Variants in PBX1 observed in about 807,000 individuals in gnomAD.
The protein encoded by PBX1 is pre-B-cell leukemia transcription factor 1.
In PBX1, 6 loss-of-function variants were observed where a neutral mutation model predicts 53.4. The observed-to-expected ratio is 0.11, with a 90% confidence interval of 0.06 to 0.22. The LOEUF is 0.22. Ranked by LOEUF, PBX1 falls within the 10% of genes least tolerant of loss-of-function variation. The pLI is 1.00. For missense variants in PBX1, 251 were observed against 551.4 expected, an observed-to-expected ratio of 0.46 and a Z score of 5.46; for synonymous variants, 204 against 212.3, an observed-to-expected ratio of 0.96 and a Z score of 0.34.
chr1:164,667,543 A>G (rs994027923), intron 2 of PBX1, among the ~76,000 whole-genome samples: 4 of 152,152 alleles, frequency 2.6e-5, no homozygotes, highest in African/African-American at 7.2e-5. Flanking sequence ...GCCTTAGATT[A>G]TAGTCCCTGG....
At chr1:164,731,653 C>T (rs1344062210) in intron 2 of PBX1, among the ~76,000 whole-genome samples, 1 of 152,208 alleles carries the variant, frequency 6.6e-6, no homozygotes, top group East Asian at 1.9e-4. Flanking sequence ...CCCCGATTGT[C>T]GCCTCTCTTT....
At chr1:164,818,961 C>T (rs1483535880) in intron 6 of PBX1, 1 of 152,126 alleles carries the variant, frequency 6.6e-6, no homozygotes, top group East Asian at 1.9e-4. Context: ...TGATGGCTGT[C>T]TCAGAATATG....
chr1:164,745,655 A>AG (rs1665854122), intron 2 of PBX1, among the ~76,000 whole-genome samples: 1 of 152,248 alleles, frequency 6.6e-6, no homozygotes, highest in African/African-American at 2.4e-5. Context: ...CTAGTCAACC[A>AG]GCTACAGGCT....
chr1:164,668,990 C>T (rs987556580), intron 2 of PBX1, among the ~76,000 whole-genome samples: 4 of 151,968 alleles, frequency 2.6e-5, no homozygotes, highest in Non-Finnish European at 4.4e-5. Context: ...TTACGATTCC[C>T]GCAGATGAGA....
intron 2 of PBX1, among the ~76,000 whole-genome samples, chr1:164,703,870 G>A (rs1663274754): frequency 1.3e-5 from 2 of 152,130 alleles, no homozygotes; most frequent in South Asian, 2.1e-4. Context: ...TGTTGAATGG[G>A]GTCTGGCATT....
chr1:164,676,926 GT>G (rs1471006892), intron 2 of PBX1, among the ~76,000 whole-genome samples: 1 of 152,032 alleles, frequency 6.6e-6, no homozygotes, highest in Non-Finnish European at 1.5e-5. Flanking sequence ...TCTCAACACT[GT>G]CATACCCAGT....
intron 4 of PBX1, among the ~76,000 whole-genome samples, chr1:164,802,906 T>C (rs1450384782): frequency 6.6e-6 from 1 of 152,198 alleles, no homozygotes; most frequent in African/African-American, 2.4e-5. Context: ...AGAGAACTTA[T>C]AAGCTCTCTA....
chr1:164,810,433 G>A (rs1405292510), intron 5 of PBX1, among the ~76,000 whole-genome samples: 1 of 152,068 alleles, frequency 6.6e-6, no homozygotes, highest in Non-Finnish European at 1.5e-5. Flanking sequence ...ATTTAGAAGG[G>A]TATCATTCCC....
chr1:164,795,411 T>C (rs902360176), intron 3 of PBX1, among the ~76,000 whole-genome samples: 22 of 152,290 alleles, frequency 1.4e-4, no homozygotes, highest in African/African-American at 3.8e-4. Context: ...AAATATTCTC[T>C]TCAGAAACTT....
chr1:164,559,400 C>T lies in PBX1; in HGVS notation c.-423C>T. On this transcript the variant is annotated 5_prime_UTR_variant, in exon 1 of 9. Transcript: ENST00000420696. ...ATCCCCCTGCCTTCCTCTCCTTTCT[C>T]CCGATCAATGCATATTTGCAAAAGG... 4.3e-6 allele frequency: 1 copy of T among 231,846 alleles called. No individual in the cohort carries two copies. The highest frequency in any genetic ancestry group is 8.5e-6 in the Non-Finnish European group (1 of 117,522). 14.4% of individuals were successfully genotyped at this position (231,846 alleles called of 1,614,324 possible). A position where few individuals can be genotyped will look rare whatever the true frequency, so the allele number is the denominator to read the frequency against.
intron 2 of PBX1, among the ~76,000 whole-genome samples, chr1:164,710,560 C>T (rs1212451756): frequency 2.6e-5 from 4 of 152,064 alleles, no homozygotes; most frequent in Non-Finnish European, 4.4e-5. Flanking sequence ...TACTGGCATG[C>T]ACCACCACAC....
At chr1:164,771,691 A>G (rs985943981) in intron 2 of PBX1, 1 of 152,174 alleles carries the variant, frequency 6.6e-6, no homozygotes. Flanking sequence ...ATTTTGGGTA[A>G]TATTTTTTCT....
intron 2 of PBX1, among the ~76,000 whole-genome samples, chr1:164,618,166 C>G (rs1398605156): frequency 6.6e-6 from 1 of 152,174 alleles, no homozygotes; most frequent in African/African-American, 2.4e-5. Context: ...TGTCGTAACT[C>G]TGTAAGCAAG....
chr1:164,680,052 A>T (rs2101994016), intron 2 of PBX1: 1 of 152,276 alleles, frequency 6.6e-6, no homozygotes, highest in Non-Finnish European at 1.5e-5. Flanking sequence ...AAGACCATGG[A>T]GTAGAGCAGA....
At chr1:164,637,000 G>A (rs1208358283) in intron 2 of PBX1, among the ~76,000 whole-genome samples, 1 of 152,126 alleles carries the variant, frequency 6.6e-6, no homozygotes, top group Non-Finnish European at 1.5e-5. Context: ...TAGAAATGTA[G>A]CTCAATTTAA....
chr1:164,853,646 T>C (rs1219000175), downstream of PBX1, among the ~76,000 whole-genome samples: 3 of 152,182 alleles, frequency 2.0e-5, no homozygotes, highest in Non-Finnish European at 4.4e-5. Context: ...TGTTGTTTTC[T>C]AGCGTGCCTT....
rs535925840 is a variant in PBX1, at chr1:164,843,051, G to A, written c.1201-3533G>A. On this transcript the variant is annotated intron_variant, in intron 8 of 8. Coordinates refer to ENST00000420696, the MANE Select transcript of PBX1 (RefSeq NM_002585.4). ...GAAGGAATTGCTCCCCAGGGTTAACGTGGCAGTAAGCGAGGTCAGCTGTTT... is the reference window on the plus strand; with the variant it reads ...GAAGGAATTGCTCCCCAGGGTTAACATGGCAGTAAGCGAGGTCAGCTGTTT... Among the ~76,000 whole-genome samples the A allele has an allele frequency of 4.6e-5, 7 of 152,148 alleles. No homozygotes were observed. In the East Asian group the frequency reaches 7.7e-4, roughly 17 times the overall value.
At chr1:164,597,838 T>A (rs1655872086) in intron 2 of PBX1, among the ~76,000 whole-genome samples, 1 of 152,174 alleles carries the variant, frequency 6.6e-6, no homozygotes, top group Non-Finnish European at 1.5e-5. Flanking sequence ...AAATAATTAA[T>A]TTAAGAGACT....
At chr1:164,714,568 G>A (rs1663984462) in intron 2 of PBX1, among the ~76,000 whole-genome samples, 1 of 152,204 alleles carries the variant, frequency 6.6e-6, no homozygotes, top group African/African-American at 2.4e-5. Flanking sequence ...TTAGGCCTGA[G>A]CATCTTCTAA....
Sources: allele counts gnomAD v4.1 joint callset (sites outside exome capture counted in the v4.1 genomes callset), GRCh38; gene constraint gnomAD v4.1.1; transcripts MANE v1.5; gene names NCBI Gene and HGNC (gene_info 2026-07-23, HGNC 2026-07-21).